Variants in LINGO2 observed in about 807,000 individuals in gnomAD.
LINGO2 encodes leucine rich repeat and Ig domain containing 2, also known as leucine-rich repeat and immunoglobulin-like domain-containing nogo receptor-interacting protein 2.
A neutral mutation model predicts 30.6 loss-of-function variants in LINGO2; 14 were observed. That is an observed-to-expected ratio of 0.46 (90% CI 0.30 to 0.72). The LOEUF is 0.72. Ranked by LOEUF, LINGO2 falls within the 30% of genes least tolerant of loss-of-function variation. The pLI is 0.07. For synonymous variants in LINGO2, 317 were observed against 288.5 expected, an observed-to-expected ratio of 1.10 and a Z score of -1.00; for missense variants, 729 against 751.7, an observed-to-expected ratio of 0.97 and a Z score of 0.35.
At chr9:27,950,151 C>A in exon 6 of LINGO2, 3 of 1,614,102 alleles carry the variant, frequency 1.9e-6, no homozygotes, top group Non-Finnish European at 2.5e-6. Flanking sequence ...AAGAAGCCCA[C>A]TGAATGCCCT....
the LINGO2 span, among the ~76,000 whole-genome samples, chr9:28,943,279 A>G: frequency 6.6e-6 from 1 of 152,262 alleles, no homozygotes; most frequent in East Asian, 1.9e-4. Flanking sequence ...CTGCATCCAT[A>G]AGACATCAAG....
chr9:29,124,437 C>G, the LINGO2 span, among the ~76,000 whole-genome samples: 8 of 152,156 alleles, frequency 5.3e-5, no homozygotes, highest in African/African-American at 1.9e-4. Context: ...TAAAAAGCTT[C>G]TGCACAGCAA....
the LINGO2 span, among the ~76,000 whole-genome samples, chr9:28,861,465 G>A: frequency 6.8e-6 from 1 of 147,100 alleles, no homozygotes; most frequent in South Asian, 2.1e-4. Flanking sequence ...ACAGAAATTA[G>A]GGAAGCTTGA....
At chr9:28,139,988 C>T (rs1025227046) in intron 4 of LINGO2, among the ~76,000 whole-genome samples, 1 of 152,174 alleles carries the variant, frequency 6.6e-6, no homozygotes, top group Non-Finnish European at 1.5e-5. Flanking sequence ...CCTTTACCGT[C>T]AAAAGTATTT....
At chr9:29,122,097 C>A in the LINGO2 span, among the ~76,000 whole-genome samples, 1 of 151,350 alleles carries the variant, frequency 6.6e-6, no homozygotes, top group Non-Finnish European at 1.5e-5. Context: ...TTCTCTTAAG[C>A]AAAACTAACA....
At chr9:28,159,855 T>C (rs768486622) in intron 4 of LINGO2, among the ~76,000 whole-genome samples, 3 of 152,184 alleles carry the variant, frequency 2.0e-5, no homozygotes, top group Non-Finnish European at 2.9e-5. Context: ...TGCCTTCTCT[T>C]ATAAGGCAAC....
At chr9:28,022,641 CTCT>C (rs1441975085) in intron 4 of LINGO2, among the ~76,000 whole-genome samples, 3 of 145,762 alleles carry the variant, frequency 2.1e-5, no homozygotes, top group Non-Finnish European at 2.9e-5. Context: ...TTGCATAACT[CTCT>C]TCTTTTTCTC....
chr9:28,191,893 T>G (rs1010814341), intron 4 of LINGO2, among the ~76,000 whole-genome samples: 3 of 152,154 alleles, frequency 2.0e-5, no homozygotes, highest in Non-Finnish European at 4.4e-5. Context: ...GACCACTAAA[T>G]CTGCCCAGTG....
the LINGO2 span, among the ~76,000 whole-genome samples, chr9:29,078,717 G>C: frequency 6.6e-6 from 1 of 151,902 alleles, no homozygotes; most frequent in Admixed American, 6.6e-5. Flanking sequence ...TAAGTTTACA[G>C]TACTCATTTA....
In LINGO2 at chr9:28,559,748, C is replaced by T. The variant is rs560805728; in HGVS notation, c.-364-83723G>A. ...TCTGTTAAATTTTTTTTGTTCTGTACAAGATTGTCCTTTTATGTTTGCCAG... is the reference window on the plus strand; with the variant it reads ...TCTGTTAAATTTTTTTTGTTCTGTATAAGATTGTCCTTTTATGTTTGCCAG... On this transcript the variant is annotated intron_variant, in intron 1 of 5. Transcript: ENST00000379992. Among the ~76,000 whole-genome samples, 5 of 151,864 alleles carry T rather than the reference C, an allele frequency of 3.3e-5. No homozygotes were observed. In the South Asian group the frequency reaches 1.0e-3, roughly 32 times the overall value.
chr9:28,147,576 C>T lies in LINGO2; in HGVS notation c.-86-135171G>A, dbSNP rs989726930. ...CCTGTGCTCTGCTTCCAGGTTCTGG[C>T]CCTGTAACCCGGGGGACAGGGCCGG... On this transcript the variant is annotated intron_variant, in intron 4 of 5. Transcript: ENST00000379992. This position sits in a 1 kb window ranked among gnomAD's most constrained non-coding sequence, Gnocchi z 4.7. 5.9e-5 allele frequency among the ~76,000 whole-genome samples: 9 copies of T among 152,122 alleles called. No homozygotes were observed. Among genetic ancestry groups the T allele is most frequent in the Non-Finnish European group, 1.3e-4 (9 of 67,996 alleles).
chr9:29,154,412 T>G, the LINGO2 span, among the ~76,000 whole-genome samples: 1 of 140,740 alleles, frequency 7.1e-6, no homozygotes, highest in African/African-American at 2.7e-5. Flanking sequence ...ATCGCGCCAC[T>G]GCATTCCAGC....
intron 1 of LINGO2, among the ~76,000 whole-genome samples, chr9:28,636,959 A>G (rs1334568030): frequency 6.6e-6 from 1 of 152,136 alleles, no homozygotes; most frequent in Admixed American, 6.6e-5. Flanking sequence ...TTTTAGGTCT[A>G]ACATTTAAGT....
At chr9:28,345,068 C>T (rs535561460) in intron 3 of LINGO2, among the ~76,000 whole-genome samples, 11 of 151,440 alleles carry the variant, frequency 7.3e-5, no homozygotes, top group Non-Finnish European at 1.2e-4. Context: ...TTGTGAAGCT[C>T]GGCTTTTAGT....
chr9:28,699,733 TG>T, the LINGO2 span, among the ~76,000 whole-genome samples: 1 of 151,952 alleles, frequency 6.6e-6, no homozygotes, highest in South Asian at 2.1e-4. Flanking sequence ...AGTATGACCC[TG>T]GGAAACGAAT....
At chr9:28,814,368 C>T in the LINGO2 span, among the ~76,000 whole-genome samples, 3 of 151,890 alleles carry the variant, frequency 2.0e-5, no homozygotes, top group Admixed American at 6.6e-5. Context: ...ACCCGGGAGG[C>T]GGAGATTGCA....
intron 1 of LINGO2, among the ~76,000 whole-genome samples, chr9:28,496,981 T>G (rs1163000282): frequency 6.6e-6 from 1 of 152,234 alleles, no homozygotes; most frequent in African/African-American, 2.4e-5. Flanking sequence ...ATGTTGAATA[T>G]TGGCCGCCAC....
the LINGO2 span, among the ~76,000 whole-genome samples, chr9:28,825,390 G>C: frequency 6.6e-6 from 1 of 151,642 alleles, no homozygotes; most frequent in South Asian, 2.1e-4. Flanking sequence ...CAGGAATTCA[G>C]GTAAGTTTGG....
chr9:27,978,411 T>C (rs1055004188), intron 5 of LINGO2, among the ~76,000 whole-genome samples: 2 of 152,178 alleles, frequency 1.3e-5, no homozygotes, highest in East Asian at 1.9e-4. Context: ...GTGATGGCAT[T>C]TGGAGATAGA....
Sources: allele counts gnomAD v4.1 joint callset (sites outside exome capture counted in the v4.1 genomes callset), GRCh38; gene constraint gnomAD v4.1.1; non-coding constraint Gnocchi (gnomAD v3.1); transcripts MANE v1.5; gene names NCBI Gene and HGNC (gene_info 2026-07-23, HGNC 2026-07-21).